COG4: variants seen among roughly 807,000 people sequenced by gnomAD.
COG4 encodes the protein conserved oligomeric Golgi complex subunit 4.
In COG4, 65 loss-of-function variants were observed where a neutral mutation model predicts 95.1. The ratio of observed to expected loss-of-function variants is 0.68; its 90% CI spans 0.56 to 0.84. COG4 has a LOEUF of 0.84. Ranked by LOEUF, COG4 falls within the 40% of genes least tolerant of loss-of-function variation. The pLI is 0.00. For missense variants in COG4, 1,045 were observed against 989.1 expected (o/e 1.06, Z -0.76); for synonymous variants, 421 against 374.8 (o/e 1.12, Z -1.42).
At position 70,523,504 on chromosome 16, in the gene COG4, G is replaced by T. The variant is rs372428018; in HGVS notation, c.40C>A (p.Leu14Met). 5.6e-6 allele frequency: 9 copies of T among 1,613,966 alleles called. No individual in the cohort carries two copies. The African/African-American group carries it at 1.1e-4, about 19-fold the overall frequency. ...TCAGACGGCTGCTGCACCCCTGACA[G>T]CTTCGGAGGCGAATCAAGGTCCGCC... is the stretch of plus-strand genomic sequence containing the variant. ...KMADLDSPPK[L>M]SGVQQPSEGV... Residue 14 changes from leucine to methionine, a missense_variant, in exon 1 of 19, where the codon CTG becomes ATG. Physicochemically the swap from Leu to Met is conservative, Grantham distance 15 (BLOSUM62 2). Coordinates refer to ENST00000323786, the MANE Select transcript of COG4 (RefSeq NM_015386.3).
At chr16:70,482,304 G>A (rs1013170014) in intron 15 of COG4, 129 bp from the exon 16 acceptor site, 4 of 739,820 alleles carry the variant, frequency 5.4e-6, no homozygotes, top group African/African-American at 3.5e-5. Context: ...GACTCATCTA[G>A]TTTAAAACCA....
chr16:70,495,484 A>T (rs2049322968), intron 12 of COG4, among the ~76,000 whole-genome samples: 1 of 151,482 alleles, frequency 6.6e-6, no homozygotes. Context: ...GTCCAACCCC[A>T]CTTGTGGGCT....
chr16:70,507,734 C>T (rs1028375286), intron 8 of COG4, among the ~76,000 whole-genome samples: 1 of 151,228 alleles, frequency 6.6e-6, no homozygotes, highest in Non-Finnish European at 1.5e-5. Flanking sequence ...TGGTGGTGCA[C>T]GCCTGTAGTT....
At chr16:70,482,536 C>T in intron 15 of COG4, 193 bp downstream of exon 15, 1 of 653,494 alleles carries the variant, frequency 1.5e-6, no homozygotes, top group African/African-American at 1.8e-5. Context: ...AGGCAAACTC[C>T]ATGTCTTTCT....
intron 8 of COG4, among the ~76,000 whole-genome samples, chr16:70,507,861 C>CA (rs760775488): frequency 1.4e-3 from 143 of 101,080 alleles, no homozygotes; most frequent in Admixed American, 1.9e-3. Context: ...GACTCTGTCT[C>CA]AAAAAAAAAA....
chr16:70,509,796 A>T, intron 6 of COG4, 120 bp downstream of exon 6: 1 of 760,590 alleles, frequency 1.3e-6, no homozygotes, highest in Non-Finnish European at 2.3e-6. Flanking sequence ...CCAATCAATT[A>T]ATACACAATA....
Position 70,498,062 on chromosome 16 carries a change from G to A in COG4, c.1196-7C>T. 1.3e-6 allele frequency: 2 copies of A among 1,571,778 alleles called. No individual in the cohort carries two copies. The highest frequency in any genetic ancestry group is 1.8e-6 in the Non-Finnish European group (2 of 1,141,508). On this transcript the variant is annotated splice_region_variant and splice_polypyrimidine_tract_variant and intron_variant, in intron 9 of 18. Coordinates refer to ENST00000323786, the MANE Select transcript of COG4 (RefSeq NM_015386.3). ...TCCAGACACTTCTGGTGCTCTAGGG[G>A]ACAGCCAAGAAAGGAATACTCATTT...
intron 5 of COG4, among the ~76,000 whole-genome samples, chr16:70,511,652 A>C (rs2049709147): frequency 6.6e-6 from 1 of 150,716 alleles, no homozygotes; most frequent in South Asian, 2.1e-4. Context: ...AGTGATTCAG[A>C]CTGGGCGTGG....
chr16:70,515,425 C>T (rs370343949), intron 3 of COG4, among the ~76,000 whole-genome samples: 1 of 152,118 alleles, frequency 6.6e-6, no homozygotes, highest in South Asian at 2.1e-4. Flanking sequence ...GTGGCTCACG[C>T]CTGTAATCCC....
chr16:70,514,206 C>A, intron 4 of COG4, 129 bp downstream of exon 4: 1 of 934,982 alleles, frequency 1.1e-6, no homozygotes, highest in Non-Finnish European at 1.6e-6. Context: ...GACTCCGTCT[C>A]AAAAAAAAAG....
chr16:70,515,941 T>C (rs1597689969), intron 3 of COG4: 1 of 454,348 alleles, frequency 2.2e-6, no homozygotes, highest in Non-Finnish European at 4.4e-6. Context: ...AGTGTTAGGA[T>C]TGCAGGCATG....
chr16:70,512,803 C>A (rs531364355), intron 4 of COG4, among the ~76,000 whole-genome samples: 5 of 152,296 alleles, frequency 3.3e-5, no homozygotes, highest in Non-Finnish European at 7.3e-5. Context: ...CATGGTGAAA[C>A]CCTGCCTCTA....
At position 70,506,124 on chromosome 16, in the gene COG4, C is replaced by T. The variant is rs1053801995; in HGVS notation, c.1061+2282G>A. 1.4e-4 allele frequency among the ~76,000 whole-genome samples: 21 copies of T among 150,654 alleles called. 1 individual carries two copies. The highest frequency in any genetic ancestry group is 2.0e-4 in the Admixed American group (3 of 15,100). Reference sequence around the variant, plus strand: ...GGCAAAACCTCATCTCAGCCGGGTGCGGTGGCTCATGCCTGTAATCCCAGC... The same window carrying T: ...GGCAAAACCTCATCTCAGCCGGGTGTGGTGGCTCATGCCTGTAATCCCAGC... On this transcript the variant is annotated intron_variant, in intron 8 of 18. Transcript: ENST00000323786.
At chr16:70,498,134 C>T (rs2049378295) in intron 9 of COG4, 79 bp from the exon 10 acceptor site, 2 of 833,156 alleles carry the variant, frequency 2.4e-6, no homozygotes, top group Non-Finnish European at 4.2e-6. Flanking sequence ...TTTTCAGGTT[C>T]CTTTATAGTC....
rs111796746 is a variant in COG4 at position 70,510,866 on chromosome 16, C to A, written c.739-845G>T. ...GCAACCTCTGCCTCCCCGGCTCAAG[C>A]GATTCTCCTGTCTCAGCTTCCCGAG... is the stretch of plus-strand genomic sequence containing the variant. On this transcript the variant is annotated intron_variant, in intron 5 of 18. Coordinates refer to ENST00000323786, the MANE Select transcript of COG4 (RefSeq NM_015386.3). Among the ~76,000 whole-genome samples, 974 of 151,460 alleles carry A rather than the reference C, an allele frequency of 6.4e-3. 13 individuals are homozygous for A. Among genetic ancestry groups the A allele is most frequent in the African/African-American group, 0.022 (912 of 41,244 alleles).
At chr16:70,496,063 C>T (rs1023170441) in intron 12 of COG4, among the ~76,000 whole-genome samples, 2 of 152,208 alleles carry the variant, frequency 1.3e-5, no homozygotes, top group African/African-American at 4.8e-5. Context: ...TCTATCGTGG[C>T]TCAGGTGACT....
chr16:70,508,838 C>T (rs1480146280), intron 7 of COG4: 5 of 537,078 alleles, frequency 9.3e-6, no homozygotes, highest in East Asian at 9.6e-5. Context: ...AAAAAGCAAA[C>T]GTTATCTTTA....
intron 5 of COG4, among the ~76,000 whole-genome samples, chr16:70,510,883 C>T (rs1028416561): frequency 2.0e-5 from 3 of 151,850 alleles, no homozygotes; most frequent in African/African-American, 7.3e-5. Flanking sequence ...CCTGTCTCAG[C>T]TTCCCGAGTG....
At chr16:70,499,935 C>G (rs746909775) in intron 9 of COG4, among the ~76,000 whole-genome samples, 2 of 152,114 alleles carry the variant, frequency 1.3e-5, no homozygotes, top group East Asian at 1.9e-4. Flanking sequence ...GCTGGGATTA[C>G]AGGCGTGAGC....
Sources: allele counts gnomAD v4.1 joint callset (sites outside exome capture counted in the v4.1 genomes callset), GRCh38; gene constraint gnomAD v4.1.1; transcripts MANE v1.5; gene names NCBI Gene and HGNC (gene_info 2026-07-23, HGNC 2026-07-21).